Variants in DNAJC16 observed in about 807,000 individuals in gnomAD.
The protein encoded by DNAJC16 is DnaJ heat shock protein family (Hsp40) member C16.
DNAJC16 carries 76 observed loss-of-function variants against 92.7 expected under a neutral mutation model. The observed-to-expected ratio is 0.82, with a 90% confidence interval of 0.68 to 0.99. DNAJC16 has a LOEUF of 0.99. DNAJC16 is among the 50% of genes least tolerant of loss of function. DNAJC16 has a pLI of 0.00. For missense variants in DNAJC16, 869 were observed against 942.4 expected, an observed-to-expected ratio of 0.92 and a Z score of 1.02; for synonymous variants, 328 against 358.7, an observed-to-expected ratio of 0.91 and a Z score of 0.97.
chr1:15,550,062 A>T (rs1054672938), intron 7 of DNAJC16, among the ~76,000 whole-genome samples: 1 of 152,150 alleles, frequency 6.6e-6, no homozygotes. Flanking sequence ...CAGTTAGGGG[A>T]TGACTGCTGT....
At chr1:15,558,719 C>T (rs1160827723) in intron 7 of DNAJC16, among the ~76,000 whole-genome samples, 1 of 152,132 alleles carries the variant, frequency 6.6e-6, no homozygotes, top group Non-Finnish European at 1.5e-5. Context: ...ACCTTGTGGT[C>T]AGAATACCTG....
Position 15,529,173 on chromosome 1 carries a change from T to C in DNAJC16, c.68T>C (p.Leu23Pro), listed in dbSNP as rs1316684976. The C allele has an allele frequency of 1.9e-6, 3 of 1,614,158 alleles. No individual in the cohort carries two copies. Among genetic ancestry groups the C allele is most frequent in the Non-Finnish European group, 2.5e-6 (3 of 1,179,996 alleles). The change falls in exon 2 of 15, where the codon CTG becomes CCG. Residue 23 changes from leucine to proline, a missense_variant. Leu to Pro is a moderately conservative substitution (Grantham distance 98, BLOSUM62 -3). Transcript: ENST00000375847. ...LIVLVLILQI[L>P]SALDFDPYRV... ...GTTCTGGTTCTGATCCTGCAAATTC[T>C]GTCTGCGTTGGATTTTGACCCATAC...
At chr1:15,558,282 A>G (rs527703300) in intron 7 of DNAJC16, among the ~76,000 whole-genome samples, 57 of 150,986 alleles carry the variant, frequency 3.8e-4, no homozygotes, top group Non-Finnish European at 7.1e-4. Context: ...CTTGGGCTCA[A>G]GCAGTCCTCC....
chr1:15,560,557 T>C (rs1638668062), intron 8 of DNAJC16, among the ~76,000 whole-genome samples: 1 of 152,188 alleles, frequency 6.6e-6, no homozygotes, highest in South Asian at 2.1e-4. Flanking sequence ...TTAGGGCTGT[T>C]TCATCTGTAA....
In DNAJC16 at chr1:15,563,974, A is replaced by T; in HGVS notation, c.1384A>T (p.Lys462Ter). ...RRNTAGRVVY[K>*]TLEDPWIGSE... is the part of the protein sequence containing the mutation. Reference sequence around the variant, plus strand: ...CAACACAGCAGGAAGGGTGGTGTATAAAACCCTGGAAGACCCTTGGATTGG... The same window carrying T: ...CAACACAGCAGGAAGGGTGGTGTATTAAACCCTGGAAGACCCTTGGATTGG... The change falls in exon 10 of 15, where the codon AAA becomes TAA. Residue 462 changes from lysine to a stop codon, truncating the protein, a stop_gained. Transcript: ENST00000375847. LOFTEE classifies it high-confidence loss of function. 6.2e-7 allele frequency: 1 copy of T among 1,614,230 alleles called. No homozygotes were observed. The highest frequency in any genetic ancestry group is 8.5e-7 in the Non-Finnish European group (1 of 1,180,030).
At chr1:15,551,886 C>T (rs1299911953) in intron 7 of DNAJC16, among the ~76,000 whole-genome samples, 2 of 151,762 alleles carry the variant, frequency 1.3e-5, no homozygotes, top group Admixed American at 6.6e-5. Flanking sequence ...TACAAAAAAG[C>T]CGGGTGTGGT....
chr1:15,534,119 C>A, intron 2 of DNAJC16, 118 bp from the exon 3 acceptor site: 2 of 925,072 alleles, frequency 2.2e-6, no homozygotes, highest in South Asian at 1.9e-5. Context: ...TTTTAAGAAA[C>A]TTTCCTAACA....
In DNAJC16 at chr1:15,534,307, T is replaced by C. The variant is rs767577767; in HGVS notation, c.234+4T>C. 3.1e-6 allele frequency: 5 copies of C among 1,613,860 alleles called. No homozygotes were observed. Among genetic ancestry groups the C allele is most frequent in the East Asian group, 4.5e-5 (2 of 44,900 alleles). Reference sequence around the variant, plus strand: ...TCAAATCAGTAAGGCTTACGAGGTATCGTGTCCAGCTTTGTGATGCATCCA... The same window carrying C: ...TCAAATCAGTAAGGCTTACGAGGTACCGTGTCCAGCTTTGTGATGCATCCA... On this transcript the variant is annotated splice_donor_region_variant and intron_variant, in intron 3 of 14. Coordinates refer to ENST00000375847, the MANE Select transcript of DNAJC16 (RefSeq NM_015291.4).
intron 11 of DNAJC16, 26 bp downstream of exon 11, chr1:15,564,385 C>A: frequency 6.9e-7 from 1 of 1,458,234 alleles, no homozygotes. Context: ...GGCTGAATTT[C>A]TTTTTCTCTG....
intron 4 of DNAJC16, among the ~76,000 whole-genome samples, chr1:15,539,964 T>C (rs984563441): frequency 7.5e-5 from 11 of 147,524 alleles, no homozygotes; most frequent in Admixed American, 6.8e-5. Flanking sequence ...GGAGTGGAGG[T>C]TGCAGTGAGC....
rs1010142882 is a variant in DNAJC16, at chr1:15,532,706, T to G, written c.168-1531T>G. On this transcript the variant is annotated intron_variant, in intron 2 of 14. Coordinates refer to ENST00000375847, the MANE Select transcript of DNAJC16 (RefSeq NM_015291.4). Reference sequence around the variant, plus strand: ...GGTTGGTTTTGTTGGTATTTTTGTGTTTTTTTTTGTCATCCAGAAATGCTT... The same window carrying G: ...GGTTGGTTTTGTTGGTATTTTTGTGGTTTTTTTTGTCATCCAGAAATGCTT... Among the ~76,000 whole-genome samples the G allele has an allele frequency of 1.1e-4, 16 of 150,710 alleles. 1 individual carries two copies. The highest frequency in any genetic ancestry group is 4.2e-4 in the South Asian group (2 of 4,734).
intron 7 of DNAJC16, 59 bp downstream of exon 7, chr1:15,548,487 A>C: frequency 2.0e-6 from 3 of 1,502,334 alleles, no homozygotes; most frequent in Non-Finnish European, 2.7e-6. Flanking sequence ...GATTTTATGT[A>C]AATAAACAGC....
chr1:15,550,392 A>G (rs778815577), intron 7 of DNAJC16, among the ~76,000 whole-genome samples: 2 of 152,248 alleles, frequency 1.3e-5, no homozygotes, highest in Admixed American at 1.3e-4. Flanking sequence ...TATCAAGTGT[A>G]TGCTTAACAA....
At position 15,567,857 on chromosome 1, in the gene DNAJC16, G is replaced by C. The variant is rs140673485; in HGVS notation, c.2029G>C (p.Asp677His). 1 of 1,614,218 alleles carries C rather than the reference G, an allele frequency of 6.2e-7. No homozygotes were observed. The highest frequency in any genetic ancestry group is 8.5e-7 in the Non-Finnish European group (1 of 1,180,038). The change falls in exon 15 of 15, where the codon GAT (aspartate) becomes CAT (histidine). Residue 677 changes from aspartate (D) to histidine (H), a missense_variant. Asp to His is a moderately conservative substitution (Grantham distance 81). Coordinates refer to ENST00000375847, the MANE Select transcript of DNAJC16 (RefSeq NM_015291.4). ...AGAATACTTACTAGAATTTGCTCAA[G>C]ATGCAGCTCCAATCCCAAACCAATA... ...WLEYLLEFAQ[D>H]AAPIPNQYDK... is the part of the protein sequence containing the mutation.
intron 7 of DNAJC16, among the ~76,000 whole-genome samples, chr1:15,558,911 C>T (rs1331003223): frequency 2.6e-5 from 4 of 152,082 alleles, no homozygotes; most frequent in African/African-American, 4.8e-5. Context: ...ATTGACTTTT[C>T]GTTTTGGGTT....
chr1:15,535,863 G>A lies in DNAJC16; in HGVS notation c.235-612G>A, dbSNP rs192890996. Among the ~76,000 whole-genome samples the A allele has an allele frequency of 2.4e-4, 36 of 151,744 alleles. No individual in the cohort carries two copies. In the East Asian group the frequency reaches 7.1e-3, roughly 30 times the overall value. ...TGCAGCCTTCAACTACTGGGCTCAA[G>A]CAATCTCCCACTCACCTCACCCTCC... On this transcript the variant is annotated intron_variant, in intron 3 of 14. Transcript: ENST00000375847.
At chr1:15,547,316 G>A (rs1016539266) in intron 6 of DNAJC16, among the ~76,000 whole-genome samples, 3 of 151,442 alleles carry the variant, frequency 2.0e-5, no homozygotes, top group African/African-American at 7.3e-5. Context: ...CCCAGCTAAC[G>A]TTTCTATTTT....
rs1638830485 is a variant in DNAJC16 at position 15,567,125 on chromosome 1, A to G, written c.1805A>G (p.Glu602Gly). 6.2e-7 allele frequency: 1 copy of G among 1,610,932 alleles called. No homozygotes were observed. The highest frequency in any genetic ancestry group is 8.5e-7 in the Non-Finnish European group (1 of 1,177,410). Residue 602 changes from glutamate (E) to glycine (G), a missense_variant, in exon 14 of 15, where the codon GAG becomes GGG. Coordinates refer to ENST00000375847, the MANE Select transcript of DNAJC16 (RefSeq NM_015291.4). ...AAGATTCCTAAAAAAGGCTTTGTGGAGGTAACTGAACTCACAGATGTAACA... is the reference window on the plus strand; with the variant it reads ...AAGATTCCTAAAAAAGGCTTTGTGGGGGTAACTGAACTCACAGATGTAACA... ...SSKIPKKGFV[E>G]VTELTDVTYT... is the part of the protein sequence containing the mutation.
In DNAJC16 at chr1:15,544,420, A is replaced by G. The variant is rs1404869566; in HGVS notation, c.596A>G (p.His199Arg). The G allele has an allele frequency of 6.2e-6, 10 of 1,613,510 alleles. No homozygotes were observed. The Admixed American group carries it at 6.7e-5, about 11-fold the overall frequency. The change falls in exon 5 of 15, where the codon CAT becomes CGT. Residue 199 changes from histidine to arginine, a missense_variant. His to Arg is a conservative substitution (Grantham distance 29). Coordinates refer to ENST00000375847, the MANE Select transcript of DNAJC16 (RefSeq NM_015291.4). ...EELGVGIGVV[H>R]AGYERRLAHH... ...TCAGGTGTAGGAATTGGCGTGGTCC[A>G]TGCTGGGTATGAGAGACGCCTGGCC...
Sources: allele counts gnomAD v4.1 joint callset (sites outside exome capture counted in the v4.1 genomes callset), GRCh38; gene constraint gnomAD v4.1.1; transcripts MANE v1.5; gene names NCBI Gene and HGNC (gene_info 2026-07-23, HGNC 2026-07-21).